ITGA8: variants seen among roughly 807,000 people sequenced by gnomAD.
ITGA8 encodes the protein integrin subunit alpha 8, also known as integrin alpha-8.
Under a neutral mutation model 142.3 loss-of-function variants are expected in ITGA8, and 91 were observed. The observed-to-expected ratio is 0.64, with a 90% CI of 0.54 to 0.76. The LOEUF (loss-of-function observed/expected upper bound fraction) is 0.76. ITGA8 is among the 30% of genes least tolerant of loss of function. The pLI, the probability that ITGA8 is intolerant of heterozygous loss-of-function variation, is 0.00. For missense variants in ITGA8, 1,406 were observed against 1,327.7 expected (o/e 1.06, Z -0.92); for synonymous variants, 505 against 485.2 (o/e 1.04, Z -0.54).
chr10:15,548,217 A>T (rs1213102016), intron 27 of ITGA8, among the ~76,000 whole-genome samples: 1 of 151,770 alleles, frequency 6.6e-6, no homozygotes, highest in Non-Finnish European at 1.5e-5. Context: ...TCAGTCTCCC[A>T]AGTAGCTGGG....
intron 25 of ITGA8, among the ~76,000 whole-genome samples, chr10:15,561,209 C>CTATATATATATATA (rs529527480): frequency 6.0e-5 from 7 of 116,960 alleles, no homozygotes; most frequent in South Asian, 5.6e-4. Context: ...TATCTGTTGG[C>CTATATATATATATA]TATATATATA....
chr10:15,525,264 A>T (rs1401306352), intron 28 of ITGA8, among the ~76,000 whole-genome samples: 1 of 152,184 alleles, frequency 6.6e-6, no homozygotes, highest in Non-Finnish European at 1.5e-5. Flanking sequence ...GCTTCAAGAC[A>T]TAACCTTGCC....
At chr10:15,607,287 A>G (rs1425068332) in intron 17 of ITGA8, among the ~76,000 whole-genome samples, 1 of 152,222 alleles carries the variant, frequency 6.6e-6, no homozygotes, top group African/African-American at 2.4e-5. Flanking sequence ...GAATGCCTAA[A>G]TATTTTCCTG....
intron 27 of ITGA8, among the ~76,000 whole-genome samples, chr10:15,539,274 G>T (rs1366265758): frequency 6.6e-6 from 1 of 152,124 alleles, no homozygotes; most frequent in East Asian, 1.9e-4. Context: ...TGTCTCAGTA[G>T]ATGAAATAAA....
intron 27 of ITGA8, among the ~76,000 whole-genome samples, chr10:15,541,500 G>A (rs1299177068): frequency 6.6e-6 from 1 of 152,166 alleles, no homozygotes; most frequent in Admixed American, 6.5e-5. Flanking sequence ...ACTCGCCTTA[G>A]GCCATGAGGG....
At chr10:15,682,036 G>A (rs1464527925) in intron 4 of ITGA8, among the ~76,000 whole-genome samples, 1 of 152,164 alleles carries the variant, frequency 6.6e-6, no homozygotes, top group Non-Finnish European at 1.5e-5. Context: ...CATGTTGGTT[G>A]TTGCCTGAGT....
chr10:15,620,126 G>A (rs775937656), intron 13 of ITGA8, among the ~76,000 whole-genome samples: 1 of 152,184 alleles, frequency 6.6e-6, no homozygotes, highest in Non-Finnish European at 1.5e-5. Context: ...ATGTTACCAG[G>A]CACAGTGCCA....
chr10:15,602,036 A>G (rs1833113052), intron 20 of ITGA8, among the ~76,000 whole-genome samples: 1 of 152,252 alleles, frequency 6.6e-6, no homozygotes, highest in Non-Finnish European at 1.5e-5. Context: ...AGCCAAAGAT[A>G]GACTCCTAAG....
intron 17 of ITGA8, 44 bp downstream of exon 17, chr10:15,607,633 G>A: frequency 2.5e-6 from 4 of 1,573,452 alleles, no homozygotes; most frequent in Non-Finnish European, 3.5e-6. Context: ...TTGGAATTTG[G>A]ATATGAAGGA....
Position 15,549,084 on chromosome 10 carries a change from T to G in ITGA8, c.2767-516A>C, listed in dbSNP as rs367582420. On this transcript the variant is annotated intron_variant, in intron 26 of 29. Coordinates refer to ENST00000378076, the MANE Select transcript of ITGA8 (RefSeq NM_003638.3). ...CTATTTTTTAATAGGTTTCTAGAAT[T>G]GCCCAGCGTATAATGAATAACCTTT... is the stretch of plus-strand genomic sequence containing the variant. Among the ~76,000 whole-genome samples, 187 of 152,282 alleles carry G rather than the reference T, an allele frequency of 1.2e-3. 5 individuals carry two copies. The highest frequency in any genetic ancestry group is 3.4e-3 in the Middle Eastern group (1 of 294).
chr10:15,719,637 C>T lies in ITGA8; in HGVS notation c.135G>A (p.Lys45=), dbSNP rs757854793. The change falls in exon 1 of 30, where the codon AAG becomes AAA. Residue 45 remains lysine (K), a synonymous_variant. Coordinates refer to ENST00000378076, the MANE Select transcript of ITGA8 (RefSeq NM_003638.3). Reference sequence around the variant, plus strand: ...CCTTGGGGCCGCTGTACACTGTGAGCTTTTCCACGTCCAGGTTGAACGCCT... The same window carrying T: ...CCTTGGGGCCGCTGTACACTGTGAGTTTTTCCACGTCCAGGTTGAACGCCT... ...ACQAFNLDVE[K]LTVYSGPKGS... 2 of 1,537,554 alleles carry T rather than the reference C, an allele frequency of 1.3e-6. No homozygotes were observed. Among genetic ancestry groups the T allele is most frequent in the Non-Finnish European group, 8.7e-7 (1 of 1,151,836 alleles).
At chr10:15,672,508 A>G in intron 7 of ITGA8, 116 bp downstream of exon 7, 1 of 1,269,430 alleles carries the variant, frequency 7.9e-7, no homozygotes, top group Non-Finnish European at 1.1e-6. Context: ...CTCTAATAAG[A>G]GAACATTTGT....
chr10:15,694,688 T>TAC (rs1192245807), intron 2 of ITGA8, among the ~76,000 whole-genome samples: 16 of 134,176 alleles, frequency 1.2e-4, no homozygotes, highest in African/African-American at 4.0e-4. Flanking sequence ...CATATATATA[T>TAC]ATATATATAT....
intron 13 of ITGA8, among the ~76,000 whole-genome samples, chr10:15,618,776 C>G (rs2131621519): frequency 6.6e-6 from 1 of 152,354 alleles, no homozygotes; most frequent in Non-Finnish European, 1.5e-5. Flanking sequence ...AGCTTTGGGA[C>G]TCGGACTGGC....
At chr10:15,628,574 T>C (rs1419444827) in intron 13 of ITGA8, among the ~76,000 whole-genome samples, 2 of 151,778 alleles carry the variant, frequency 1.3e-5, no homozygotes, top group Admixed American at 6.6e-5. Context: ...CCTCATGATC[T>C]GCTCGCCTTG....
At chr10:15,710,948 T>C (rs952449622) in intron 2 of ITGA8, among the ~76,000 whole-genome samples, 4 of 152,180 alleles carry the variant, frequency 2.6e-5, no homozygotes, top group Non-Finnish European at 5.9e-5. Context: ...TGCAATATCA[T>C]ATTCAAATTT....
At chr10:15,620,550 G>A (rs548097816) in intron 13 of ITGA8, among the ~76,000 whole-genome samples, 8 of 152,266 alleles carry the variant, frequency 5.3e-5, no homozygotes, top group African/African-American at 1.4e-4. Flanking sequence ...ATGTGGTCAC[G>A]GTTATTCAGA....
intron 13 of ITGA8, among the ~76,000 whole-genome samples, chr10:15,618,915 C>G (rs889580844): frequency 2.6e-5 from 4 of 152,122 alleles, no homozygotes; most frequent in African/African-American, 7.2e-5. Flanking sequence ...TCTAGAGAAC[C>G]CTGACTGATA....
intron 28 of ITGA8, among the ~76,000 whole-genome samples, chr10:15,522,416 A>C (rs1050272286): frequency 4.6e-5 from 7 of 152,180 alleles, no homozygotes; most frequent in Non-Finnish European, 7.3e-5. Flanking sequence ...GATGAACATA[A>C]TATTGCTGGA....
Sources: allele counts gnomAD v4.1 joint callset (sites outside exome capture counted in the v4.1 genomes callset), GRCh38; gene constraint gnomAD v4.1.1; transcripts MANE v1.5; gene names NCBI Gene and HGNC (gene_info 2026-07-23, HGNC 2026-07-21).